POPDC2: variants seen among roughly 807,000 people sequenced by gnomAD.
The protein encoded by POPDC2 is popeye domain cAMP effector 2.
In POPDC2, 24 loss-of-function variants were observed where a neutral mutation model predicts 30.5. The ratio of observed to expected loss-of-function variants is 0.79; its 90% confidence interval spans 0.57 to 1.11. The LOEUF is 1.11. Ranked by LOEUF, POPDC2 falls within the 50% of genes least tolerant of loss-of-function variation. The pLI is 0.00. For missense variants in POPDC2, 409 were observed against 447.0 expected (o/e 0.91, Z 0.77); for synonymous variants, 185 against 183.3 (o/e 1.01, Z -0.07).
At position 119,642,199 on chromosome 3, in the gene POPDC2, A is replaced by G. The variant is rs950815448; in HGVS notation, c.*406T>C. 81 of 268,138 alleles carry G rather than the reference A, an allele frequency of 3.0e-4. No homozygotes were observed. Among genetic ancestry groups the G allele is most frequent in the Non-Finnish European group, 1.1e-4 (15 of 137,440 alleles). 16.6% of individuals were successfully genotyped at this position (268,138 alleles called of 1,614,324 possible). Reference sequence around the variant, plus strand: ...CACTGTTTACCGATGAGGCTCACAGAGGCTATGTAACTTGCCCAAGATTCT... The same window carrying G: ...CACTGTTTACCGATGAGGCTCACAGGGGCTATGTAACTTGCCCAAGATTCT... On this transcript the variant is annotated 3_prime_UTR_variant, in exon 4 of 4. Transcript: ENST00000493094.
At chr3:119,652,922 T>C (rs2052828935) in intron 2 of POPDC2, among the ~76,000 whole-genome samples, 1 of 152,100 alleles carries the variant, frequency 6.6e-6, no homozygotes, top group African/African-American at 2.4e-5. Context: ...GGCTCATATG[T>C]TGGCTTGAGG....
chr3:119,652,813 T>C (rs991382023), intron 2 of POPDC2, among the ~76,000 whole-genome samples: 1 of 152,184 alleles, frequency 6.6e-6, no homozygotes, highest in Non-Finnish European at 1.5e-5. Context: ...GGATCAGGAC[T>C]GCCTCTCAGG....
intron 2 of POPDC2, among the ~76,000 whole-genome samples, chr3:119,651,396 T>C (rs2052807131): frequency 6.6e-6 from 1 of 152,030 alleles, no homozygotes; most frequent in South Asian, 2.1e-4. Flanking sequence ...GATTATCCTC[T>C]AACAAATTAT....
chr3:119,659,823 A>G (rs2052920500), intron 1 of POPDC2, 110 bp downstream of exon 1: 3 of 1,353,522 alleles, frequency 2.2e-6, no homozygotes, highest in Non-Finnish European at 3.0e-6. Flanking sequence ...CCTTCCCTCA[A>G]TGGAAGGGGA....
chr3:119,651,428 C>A (rs1458009063), intron 2 of POPDC2, among the ~76,000 whole-genome samples: 2 of 151,884 alleles, frequency 1.3e-5, no homozygotes, highest in East Asian at 3.9e-4. Context: ...ATTCATTATG[C>A]CTATGGCTTT....
chr3:119,655,254 G>C (rs1365738053), intron 1 of POPDC2, among the ~76,000 whole-genome samples: 1 of 151,210 alleles, frequency 6.6e-6, no homozygotes, highest in East Asian at 1.9e-4. Flanking sequence ...CTTGAACTCG[G>C]GGGTGGAGGT....
intron 3 of POPDC2, among the ~76,000 whole-genome samples, chr3:119,644,970 T>C (rs1227260500): frequency 6.6e-6 from 1 of 152,214 alleles, no homozygotes; most frequent in African/African-American, 2.4e-5. Flanking sequence ...ACAGACTACA[T>C]TGAAAACTAT....
At chr3:119,656,592 A>G (rs2052881690) in intron 1 of POPDC2, among the ~76,000 whole-genome samples, 1 of 152,162 alleles carries the variant, frequency 6.6e-6, no homozygotes, top group Non-Finnish European at 1.5e-5. Flanking sequence ...GTCATTGATG[A>G]TGCCTGAGGA....
At chr3:119,659,256 T>TCTCCC (rs1260260416) in intron 1 of POPDC2, among the ~76,000 whole-genome samples, 2 of 152,180 alleles carry the variant, frequency 1.3e-5, no homozygotes, top group African/African-American at 4.8e-5. Context: ...TCACTTCTCT[T>TCTCCC]CTCCCATTGT....
At chr3:119,645,514 G>A (rs1026048827) in intron 3 of POPDC2, among the ~76,000 whole-genome samples, 2 of 142,846 alleles carry the variant, frequency 1.4e-5, no homozygotes, top group African/African-American at 5.2e-5. Context: ...AGTGAGCCGA[G>A]ATCGCGCCAC....
At position 119,659,998 on chromosome 3, in the gene POPDC2, A is replaced by G. The variant is rs1468036701; in HGVS notation, c.426T>C (p.Thr142=). The part of the protein sequence containing the change: ...CCEEQVLTLA[T]EQTYAVEGET... ...CACCCTCCACAGCATAGGTCTGTTC[A>G]GTGGCCAGAGTTAAGACCTGCTCCT... is the stretch of plus-strand genomic sequence containing the variant. The change falls in exon 1 of 4, where the codon ACT becomes ACC. Residue 142 remains threonine, a synonymous_variant. Transcript: ENST00000493094. 6 of 1,614,034 alleles carry G rather than the reference A, an allele frequency of 3.7e-6. No individual in the cohort carries two copies. The highest frequency in any genetic ancestry group is 1.7e-5 in the Admixed American group (1 of 60,026).
chr3:119,649,234 G>GT (rs1215590258), intron 2 of POPDC2, among the ~76,000 whole-genome samples: 4 of 152,104 alleles, frequency 2.6e-5, no homozygotes, highest in Admixed American at 2.6e-4. Flanking sequence ...GAAATTGCTC[G>GT]TAACTTGGCC....
At chr3:119,644,406 C>T (rs988637407) in intron 3 of POPDC2, among the ~76,000 whole-genome samples, 1 of 152,114 alleles carries the variant, frequency 6.6e-6, no homozygotes, top group Admixed American at 6.5e-5. Flanking sequence ...TGGAGAGTGG[C>T]CATCGAATTA....
intron 2 of POPDC2, among the ~76,000 whole-genome samples, chr3:119,649,108 G>C (rs919825016): frequency 2.6e-4 from 40 of 152,160 alleles, no homozygotes; most frequent in Non-Finnish European, 4.3e-4. Flanking sequence ...AAGATATTGG[G>C]GTAGGGACAT....
chr3:119,653,289 G>A (rs1008675693), intron 2 of POPDC2, among the ~76,000 whole-genome samples: 2 of 152,152 alleles, frequency 1.3e-5, no homozygotes, highest in Non-Finnish European at 1.5e-5. Context: ...AATATGATAC[G>A]TAGTGCCTGC....
At chr3:119,646,847 A>C (rs554706009) in intron 3 of POPDC2, among the ~76,000 whole-genome samples, 8 of 152,206 alleles carry the variant, frequency 5.3e-5, no homozygotes, top group Non-Finnish European at 1.2e-4. Context: ...CATAGGACAT[A>C]AGGAGCATGC....
chr3:119,658,916 C>CTTTTTTTTTTTTTT (rs35687726), intron 1 of POPDC2, among the ~76,000 whole-genome samples: 2 of 139,656 alleles, frequency 1.4e-5, no homozygotes, highest in African/African-American at 2.7e-5. Flanking sequence ...TCTGGATTTG[C>CTTTTTTTTTTTTTT]TTTTTTTTTT....
rs966005445 is a variant in POPDC2, at chr3:119,642,235, A to G, written c.*370T>C. On this transcript the variant is annotated 3_prime_UTR_variant, in exon 4 of 4. Transcript: ENST00000493094. ...CTTGCCCAAGATTCTGCAGCTGGTAAAGGACGGAATCTGTGCCTCTGCACT... is the reference window on the plus strand; with the variant it reads ...CTTGCCCAAGATTCTGCAGCTGGTAGAGGACGGAATCTGTGCCTCTGCACT... The G allele has an allele frequency of 1.8e-4, 61 of 333,876 alleles. No homozygotes were observed. The highest frequency in any genetic ancestry group is 8.8e-4 in the Middle Eastern group (1 of 1,134). The allele number at this position is 333,876 out of a possible 1,614,324, so 20.7% of individuals were successfully genotyped here. A position where few individuals can be genotyped will look rare whatever the true frequency, so the allele number is the denominator to read the frequency against.
At chr3:119,653,064 G>A (rs914810751) in intron 2 of POPDC2, among the ~76,000 whole-genome samples, 8 of 143,824 alleles carry the variant, frequency 5.6e-5, no homozygotes, top group Admixed American at 5.1e-4. Flanking sequence ...GTGCATGTGT[G>A]TGTGTGTATG....
Sources: gnomAD v4.1 joint callset for allele counts (sites outside exome capture counted in the v4.1 genomes callset) on GRCh38, gnomAD v4.1.1 for gene constraint, MANE v1.5 for transcripts, NCBI Gene and HGNC (gene_info 2026-07-23, HGNC 2026-07-21) for gene names.